The following GALNT16 variants were observed in gnomAD, a reference collection of about 807,000 sequenced individuals.
The protein encoded by GALNT16 is UDP-GalNAc:polypeptide N-acetylgalactosaminyltransferase-like protein 1.
GALNT16 carries 40 observed loss-of-function variants against 76.1 expected under a neutral mutation model. That is an observed-to-expected ratio of 0.53 (90% CI 0.41 to 0.68). The LOEUF is 0.68. Ranked by LOEUF, GALNT16 falls within the 30% of genes least tolerant of loss-of-function variation. The pLI is 0.00. For missense variants in GALNT16, 621 were observed against 731.9 expected, an observed-to-expected ratio of 0.85 and a Z score of 1.75; for synonymous variants, 276 against 285.2, an observed-to-expected ratio of 0.97 and a Z score of 0.32.
At chr14:69,341,245 C>G (rs1488331934) in intron 11 of GALNT16, among the ~76,000 whole-genome samples, 1 of 152,132 alleles carries the variant, frequency 6.6e-6, no homozygotes, top group African/African-American at 2.4e-5. Flanking sequence ...TGGCGGTGTC[C>G]CAAGGACACA....
At position 69,261,622 on chromosome 14, in the gene GALNT16, G is replaced by A. The variant is rs968811701; in HGVS notation, c.177+1155G>A. On this transcript the variant is annotated intron_variant, in intron 1 of 14. Transcript: ENST00000448469. The surrounding 1 kb of genome is among the most constrained non-coding windows in gnomAD (Gnocchi z 6.4). ...AGGAGATCCGCGGGGGAGGTGCAAG[G>A]TCCGGAGGGCTGAGGCTTGTGTGGA... Among the ~76,000 whole-genome samples, 48 of 152,088 alleles carry A rather than the reference G, an allele frequency of 3.2e-4. No individual in the cohort carries two copies. The highest frequency in any genetic ancestry group is 1.7e-3 in the Admixed American group (26 of 15,278).
rs372071562 is a variant in GALNT16, at chr14:69,324,715, C to T, written c.359C>T (p.Ser120Leu). 4.1e-5 allele frequency: 66 copies of T among 1,611,830 alleles called. 1 individual carries two copies. Among genetic ancestry groups the T allele is most frequent in the South Asian group, 5.5e-5 (5 of 90,836 alleles). The change falls in exon 3 of 15, where the codon TCG becomes TTG. Residue 120 changes from serine (S) to leucine (L), a missense_variant. Physicochemically the swap from Ser to Leu is moderately radical, Grantham distance 145 (BLOSUM62 -2). Transcript: ENST00000448469. ...AGCTGCCCATCTGTGTCCTACTCCT[C>T]GGACCTGCCAGCCACCAGCGTCATC... ...HYSCPSVSYS[S>L]DLPATSVIIT...
At chr14:69,298,065 A>G (rs1594831468) in intron 1 of GALNT16, among the ~76,000 whole-genome samples, 1 of 152,208 alleles carries the variant, frequency 6.6e-6, no homozygotes, top group East Asian at 1.9e-4. Context: ...ACACTCATCT[A>G]TGCAACTTCA....
intron 1 of GALNT16, among the ~76,000 whole-genome samples, chr14:69,299,402 C>G (rs973981340): frequency 1.2e-4 from 19 of 152,256 alleles, no homozygotes; most frequent in Admixed American, 6.5e-4. Context: ...TCTGGCAGTA[C>G]TTTGGAATGA....
chr14:69,288,364 T>C (rs1374154841), intron 1 of GALNT16, among the ~76,000 whole-genome samples: 2 of 152,164 alleles, frequency 1.3e-5, no homozygotes, highest in Non-Finnish European at 2.9e-5. Flanking sequence ...CAGAAGGCAG[T>C]TGGAACAGGT....
At chr14:69,359,755 C>T (rs976387762), downstream of GALNT16, among the ~76,000 whole-genome samples, 6 of 152,236 alleles carry the variant, frequency 3.9e-5, no homozygotes, top group African/African-American at 9.6e-5. Context: ...GGGCCAGACG[C>T]GGTGGCTCAC....
At chr14:69,340,018 A>G (rs2045466728) in intron 11 of GALNT16, among the ~76,000 whole-genome samples, 1 of 152,310 alleles carries the variant, frequency 6.6e-6, no homozygotes, top group South Asian at 2.1e-4. Context: ...CTAGTTAAGC[A>G]TTTTCAAAAT....
At chr14:69,276,203 T>C (rs56017572) in intron 1 of GALNT16, among the ~76,000 whole-genome samples, 8,210 of 151,644 alleles carry the variant, frequency 0.054, 260 homozygotes, top group Non-Finnish European at 0.066. Context: ...CACAGCCAAA[T>C]CATATCATCT....
chr14:69,377,413 G>C, the GALNT16 span, among the ~76,000 whole-genome samples: 1 of 152,226 alleles, frequency 6.6e-6, no homozygotes, highest in East Asian at 1.9e-4. Context: ...GGGTTGCTGT[G>C]ATGATAAATA....
At chr14:69,264,804 C>CTTT (rs2044320129) in intron 1 of GALNT16, among the ~76,000 whole-genome samples, 1 of 87,456 alleles carries the variant, frequency 1.1e-5, no homozygotes, top group Non-Finnish European at 2.0e-5. Context: ...TTTATTTTCT[C>CTTT]TTTTCTTTTT....
chr14:69,342,837 A>G (rs948705160), intron 12 of GALNT16, among the ~76,000 whole-genome samples: 1 of 152,136 alleles, frequency 6.6e-6, no homozygotes, highest in Non-Finnish European at 1.5e-5. Flanking sequence ...CCTTGACTCA[A>G]ACGTCCCCTT....
downstream of GALNT16, chr14:69,359,337 CTT>C (rs1375519329): frequency 2.6e-5 from 4 of 152,166 alleles, no homozygotes; most frequent in African/African-American, 4.8e-5. Flanking sequence ...TTTGCTTTGT[CTT>C]TTAATGATAA....
intron 1 of GALNT16, among the ~76,000 whole-genome samples, chr14:69,285,929 C>T (rs955187783): frequency 6.6e-6 from 1 of 152,178 alleles, no homozygotes; most frequent in Admixed American, 6.5e-5. Context: ...CCCCTCAGCT[C>T]AGCATCCTGG....
the GALNT16 span, among the ~76,000 whole-genome samples, chr14:69,377,541 T>C: frequency 6.6e-6 from 1 of 152,010 alleles, no homozygotes; most frequent in African/African-American, 2.4e-5. Context: ...GTGCAGTGGT[T>C]TATGCCTGTA....
At chr14:69,309,593 T>G (rs1054580382) in intron 1 of GALNT16, among the ~76,000 whole-genome samples, 1 of 152,230 alleles carries the variant, frequency 6.6e-6, no homozygotes, top group Non-Finnish European at 1.5e-5. Context: ...ATTATGGGCA[T>G]GAGCCACTAG....
the GALNT16 span, among the ~76,000 whole-genome samples, chr14:69,377,453 C>T: frequency 6.6e-6 from 1 of 152,000 alleles, no homozygotes; most frequent in Non-Finnish European, 1.5e-5. Flanking sequence ...CAGTAAAATG[C>T]TATGTCTAAG....
At chr14:69,276,485 A>G (rs932621092) in intron 1 of GALNT16, among the ~76,000 whole-genome samples, 2 of 152,174 alleles carry the variant, frequency 1.3e-5, no homozygotes, top group Middle Eastern at 3.2e-3. Flanking sequence ...GATCGAGACC[A>G]TCCTGGCCAA....
At chr14:69,372,336 C>T in the GALNT16 span, among the ~76,000 whole-genome samples, 6 of 152,076 alleles carry the variant, frequency 3.9e-5, no homozygotes, top group South Asian at 4.1e-4. Flanking sequence ...CTCACTGATA[C>T]GGGGTCTGTT....
At chr14:69,292,192 A>G (rs766276308) in intron 1 of GALNT16, among the ~76,000 whole-genome samples, 6 of 152,258 alleles carry the variant, frequency 3.9e-5, no homozygotes, top group Non-Finnish European at 8.8e-5. Flanking sequence ...AGCACAGAGG[A>G]AGTGGGCACA....
Sources: gnomAD v4.1 joint callset for allele counts (sites outside exome capture counted in the v4.1 genomes callset) on GRCh38, gnomAD v4.1.1 for gene constraint, Gnocchi (gnomAD v3.1) non-coding constraint, MANE v1.5 for transcripts, NCBI Gene and HGNC (gene_info 2026-07-23, HGNC 2026-07-21) for gene names.